The following ASIC2 variants were observed in gnomAD, a reference collection of about 807,000 sequenced individuals.
The protein encoded by ASIC2 is acid-sensing ion channel 2.
In ASIC2, 25 loss-of-function variants were observed where a neutral mutation model predicts 57.3. The ratio of observed to expected loss-of-function variants is 0.44; its 90% CI spans 0.32 to 0.61. ASIC2 has a LOEUF of 0.61. ASIC2 is among the 20% of genes least tolerant of loss of function. The probability of loss-of-function intolerance (pLI) is 0.06; values close to 1 mark genes in which losing one functional copy is unlikely to be tolerated. For missense variants in ASIC2, 641 were observed against 738.1 expected, an observed-to-expected ratio of 0.87 and a Z score of 1.52; for synonymous variants, 319 against 307.5, an observed-to-expected ratio of 1.04 and a Z score of -0.39.
Position 33,107,304 on chromosome 17 carries a change from C to T in ASIC2, c.859+4613G>A, listed in dbSNP as rs562025992. ...AAACGAAGGTTTCTGTGGTCAAAGG[C>T]ATTTGGGAAATAAATGCTGCCTTGG... On this transcript the variant is annotated intron_variant, in intron 2 of 9. Coordinates refer to ENST00000225823, the MANE Select transcript of ASIC2 (RefSeq NM_183377.2). Among the ~76,000 whole-genome samples, 14 of 152,308 alleles carry T rather than the reference C, an allele frequency of 9.2e-5. 1 individual carries two copies. In the South Asian group the frequency reaches 2.5e-3, roughly 27 times the overall value.
At chr17:33,897,680 T>C (rs1476285310) in intron 1 of ASIC2, among the ~76,000 whole-genome samples, 1 of 152,234 alleles carries the variant, frequency 6.6e-6, no homozygotes, top group Non-Finnish European at 1.5e-5. Context: ...CTACATACTA[T>C]TCCCAACAAT....
intron 1 of ASIC2, among the ~76,000 whole-genome samples, chr17:33,262,284 A>G (rs1024411563): frequency 1.3e-5 from 2 of 151,622 alleles, no homozygotes; most frequent in Non-Finnish European, 2.9e-5. Context: ...TTTCCTATGC[A>G]CAGGAGGGAG....
chr17:33,113,579 A>G (rs1049178059), intron 1 of ASIC2, among the ~76,000 whole-genome samples: 1 of 152,230 alleles, frequency 6.6e-6, no homozygotes, highest in Non-Finnish European at 1.5e-5. Flanking sequence ...CCCAGCTTTC[A>G]GTGCACAGGC....
chr17:33,956,643 C>A (rs1904744003), intron 1 of ASIC2, among the ~76,000 whole-genome samples: 1 of 152,160 alleles, frequency 6.6e-6, no homozygotes, highest in South Asian at 2.1e-4. Flanking sequence ...GGCTGGTCCC[C>A]CACTGTCAGA....
chr17:34,104,131 C>G (rs188509918), intron 1 of ASIC2, among the ~76,000 whole-genome samples: 16 of 152,194 alleles, frequency 1.1e-4, no homozygotes, highest in African/African-American at 3.6e-4. Context: ...TAACTTTTCT[C>G]AGCAATATTT....
chr17:34,099,162 GAGAAAGAAAGAAAGAAAGAAAGAA>G (rs759417669), intron 1 of ASIC2, among the ~76,000 whole-genome samples: 86 of 41,962 alleles, frequency 2.0e-3, no homozygotes, highest in Non-Finnish European at 4.4e-3. Context: ...GAGAGAGAGA[GAGAAAGAAAGAAAGAAAGAAAGAA>G]AGAAAGAAAG....
upstream of ASIC2, among the ~76,000 whole-genome samples, chr17:33,297,553 G>A (rs1309443800): frequency 6.6e-6 from 1 of 152,164 alleles, no homozygotes. Flanking sequence ...GCCAGGTGCA[G>A]TGGCTCACGC....
intron 1 of ASIC2, among the ~76,000 whole-genome samples, chr17:33,539,294 C>T (rs1395345153): frequency 6.6e-6 from 1 of 152,230 alleles, no homozygotes; most frequent in Non-Finnish European, 1.5e-5. Context: ...AGATGGAGAG[C>T]CCTTCTGGAC....
At chr17:33,336,826 C>T (rs565834765) in intron 1 of ASIC2, among the ~76,000 whole-genome samples, 41 of 152,128 alleles carry the variant, frequency 2.7e-4, no homozygotes, top group East Asian at 5.8e-4. Flanking sequence ...GAGGAGGGGG[C>T]GGGGCTTCTG....
At chr17:33,025,028 C>T (rs1269091948) in intron 5 of ASIC2, among the ~76,000 whole-genome samples, 1 of 152,034 alleles carries the variant, frequency 6.6e-6, no homozygotes, top group Non-Finnish European at 1.5e-5. Context: ...TTCCAGCTAC[C>T]CTGGGTTTTG....
chr17:34,099,154 G>A (rs1235420461), intron 1 of ASIC2, among the ~76,000 whole-genome samples: 10,854 of 23,728 alleles, frequency 0.46, 1,020 homozygotes, highest in African/African-American at 0.5. Context: ...GACAGAGAGA[G>A]AGAGAGAGAG....
At chr17:33,418,060 G>GTGTGTGTGTGTGTGTGTGTGTT (rs1910921074) in intron 1 of ASIC2, among the ~76,000 whole-genome samples, 1 of 125,352 alleles carries the variant, frequency 8.0e-6, no homozygotes, top group African/African-American at 2.7e-5. Context: ...GTGTGTGTGT[G>GTGTGTGTGTGTGTGTGTGTGTT]TGTGTGTGTG....
At chr17:33,391,222 T>C (rs1044019066) in intron 1 of ASIC2, among the ~76,000 whole-genome samples, 4 of 152,176 alleles carry the variant, frequency 2.6e-5, no homozygotes, top group African/African-American at 9.7e-5. Flanking sequence ...AGGGATAGGA[T>C]TATTTGCAGA....
intron 1 of ASIC2, among the ~76,000 whole-genome samples, chr17:33,702,992 G>T (rs936689027): frequency 6.6e-6 from 1 of 152,168 alleles, no homozygotes; most frequent in African/African-American, 2.4e-5. Flanking sequence ...TTGTGCCCAG[G>T]GTAAGGGAAG....
chr17:33,537,429 T>C (rs1375980882), intron 1 of ASIC2, among the ~76,000 whole-genome samples: 1 of 152,192 alleles, frequency 6.6e-6, no homozygotes, highest in Non-Finnish European at 1.5e-5. Context: ...CCTGAAGTTA[T>C]GTTATGCATG....
chr17:33,692,275 C>T (rs528233795), intron 1 of ASIC2: 19 of 152,208 alleles, frequency 1.2e-4, no homozygotes, highest in African/African-American at 4.6e-4. Context: ...TTCACAGGAA[C>T]TACAATCACA....
intron 1 of ASIC2, among the ~76,000 whole-genome samples, chr17:33,498,979 G>A (rs1261702030): frequency 6.6e-6 from 1 of 152,184 alleles, no homozygotes; most frequent in African/African-American, 2.4e-5. Flanking sequence ...TCTGGAAGAC[G>A]AGGAGTTGGG....
intron 1 of ASIC2, among the ~76,000 whole-genome samples, chr17:33,915,138 G>C (rs1915557068): frequency 6.6e-6 from 1 of 152,158 alleles, no homozygotes; most frequent in South Asian, 2.1e-4. Context: ...TTTCCTTGAA[G>C]GGTTAGGAGG....
chr17:33,066,198 T>G (rs981454602), intron 3 of ASIC2, among the ~76,000 whole-genome samples: 1 of 152,178 alleles, frequency 6.6e-6, no homozygotes, highest in Non-Finnish European at 1.5e-5. Flanking sequence ...AGTGAAGAAC[T>G]TCCAGAATTG....
Sources: gnomAD v4.1 joint callset for allele counts (sites outside exome capture counted in the v4.1 genomes callset) on GRCh38, gnomAD v4.1.1 for gene constraint, MANE v1.5 for transcripts, NCBI Gene and HGNC (gene_info 2026-07-23, HGNC 2026-07-21) for gene names.